Variants in AKT3 observed in about 807,000 individuals in gnomAD.
AKT3 encodes the protein AKT serine/threonine kinase 3, also known as RAC-gamma serine/threonine-protein kinase.
In AKT3, 15 loss-of-function variants were observed where a neutral mutation model predicts 65.3. The observed-to-expected ratio is 0.23, with a 90% CI of 0.15 to 0.35. The LOEUF is 0.35. Among genes scored for constraint, AKT3 ranks in the 10% least tolerant of loss-of-function variants. AKT3 has a pLI of 1.00. For missense variants in AKT3, 243 were observed against 576.5 expected, an observed-to-expected ratio of 0.42 and a Z score of 5.92; for synonymous variants, 206 against 183.8, an observed-to-expected ratio of 1.12 and a Z score of -0.98.
rs114749223 is a variant in AKT3, at chr1:243,802,277, A to G, written c.46+40848T>C. Among the ~76,000 whole-genome samples the G allele has an allele frequency of 2.4e-3, 362 of 152,316 alleles. 2 individuals are homozygous for G. The highest frequency in any genetic ancestry group is 8.5e-3 in the African/African-American group (352 of 41,564). On this transcript the variant is annotated intron_variant, in intron 2 of 13. Transcript: ENST00000673466. ...AAGGTAGAGTCAAATTCTGTTACAAAAAGTTCCATATGACCCCTCTACGCT... is the reference window on the plus strand; with the variant it reads ...AAGGTAGAGTCAAATTCTGTTACAAGAAGTTCCATATGACCCCTCTACGCT...
chr1:243,749,971 A>T (rs1688701181), intron 2 of AKT3, among the ~76,000 whole-genome samples: 1 of 152,172 alleles, frequency 6.6e-6, no homozygotes, highest in African/African-American at 2.4e-5. Context: ...TCTAAAGTGA[A>T]GTGATCTTTT....
At chr1:243,621,305 G>A (rs1407318769) in intron 6 of AKT3, among the ~76,000 whole-genome samples, 3 of 152,140 alleles carry the variant, frequency 2.0e-5, no homozygotes, top group East Asian at 1.9e-4. Context: ...AGCCATAAAC[G>A]TAACATTTAA....
At chr1:243,685,784 G>T (rs1470643660) in intron 3 of AKT3, among the ~76,000 whole-genome samples, 1 of 152,060 alleles carries the variant, frequency 6.6e-6, no homozygotes, top group African/African-American at 2.4e-5. Flanking sequence ...AGAAATAAAG[G>T]GGATTCAAAT....
chr1:243,696,963 T>A lies in AKT3; in HGVS notation c.47-1247A>T, dbSNP rs572805587. On this transcript the variant is annotated intron_variant, in intron 2 of 13. Coordinates refer to ENST00000673466, the MANE Select transcript of AKT3 (RefSeq NM_005465.7). The stretch of plus-strand genomic sequence containing the variant: ...ACCATAAAATGTAATCCAAATCTTT[T>A]ACTATAAAGGGCAATCTCACCCCAA... Among the ~76,000 whole-genome samples the A allele has an allele frequency of 3.8e-3, 574 of 152,140 alleles. 3 individuals carry two copies. The highest frequency in any genetic ancestry group is 6.6e-3 in the Non-Finnish European group (449 of 67,906).
chr1:243,539,428 A>C (rs1416890754), intron 12 of AKT3, among the ~76,000 whole-genome samples: 1 of 152,216 alleles, frequency 6.6e-6, no homozygotes, highest in Non-Finnish European at 1.5e-5. Flanking sequence ...CTGTTCATTA[A>C]GGCTTCGTCA....
rs1250658959 is a variant in AKT3, at chr1:243,501,538, G to A, written c.*3711C>T. 2.1e-5 allele frequency: 5 copies of A among 233,016 alleles called. No individual in the cohort carries two copies. The highest frequency in any genetic ancestry group is 1.1e-4 in the African/African-American group (5 of 45,282). The allele number at this position is 233,016 out of a possible 1,614,324, so 14.4% of individuals were successfully genotyped here. ...TCAGCGTTTCCCCTCAGAAGCAGCC[G>A]TTCATCAAAGTTTGCACAACCGCAC... is the stretch of plus-strand genomic sequence containing the variant. On this transcript the variant is annotated 3_prime_UTR_variant, in exon 14 of 14. Coordinates refer to ENST00000673466, the MANE Select transcript of AKT3 (RefSeq NM_005465.7).
intron 12 of AKT3, among the ~76,000 whole-genome samples, chr1:243,538,596 T>C (rs995577679): frequency 3.3e-5 from 5 of 152,078 alleles, no homozygotes; most frequent in Admixed American, 2.0e-4. Context: ...GGAAAAGATA[T>C]ATTACACAAA....
intron 10 of AKT3, 140 bp from the exon 11 acceptor site, chr1:243,553,083 G>A: frequency 1.7e-6 from 1 of 595,136 alleles, no homozygotes; most frequent in Non-Finnish European, 2.8e-6. Context: ...TTTAAACTGT[G>A]AAGCATCCTA....
At chr1:243,645,199 A>C (rs1680714327) in intron 5 of AKT3, among the ~76,000 whole-genome samples, 1 of 152,188 alleles carries the variant, frequency 6.6e-6, no homozygotes, top group South Asian at 2.1e-4. Flanking sequence ...ATTAATTTAC[A>C]ACCTATTAAA....
intron 12 of AKT3, among the ~76,000 whole-genome samples, chr1:243,522,688 G>C (rs1197143392): frequency 6.6e-6 from 1 of 151,902 alleles, no homozygotes; most frequent in Admixed American, 6.6e-5. Context: ...ATATAAACTG[G>C]AAAAAACTTG....
chr1:243,551,449 T>C (rs917528900), intron 11 of AKT3, among the ~76,000 whole-genome samples: 5 of 152,170 alleles, frequency 3.3e-5, no homozygotes, highest in African/African-American at 1.2e-4. Flanking sequence ...TGCTTATTTC[T>C]GCTGAAGATA....
intron 2 of AKT3, among the ~76,000 whole-genome samples, chr1:243,819,047 C>A (rs1355901020): frequency 6.6e-6 from 1 of 152,238 alleles, no homozygotes; most frequent in South Asian, 2.1e-4. Context: ...CCTCATGAGC[C>A]GATGCCACCA....
intron 2 of AKT3, among the ~76,000 whole-genome samples, chr1:243,750,469 C>A (rs1688742845): frequency 6.6e-6 from 1 of 151,918 alleles, no homozygotes; most frequent in African/African-American, 2.4e-5. Context: ...ACAAGGACAG[C>A]AAGCTCAATG....
At chr1:243,615,928 T>C (rs1678267481) in intron 6 of AKT3, among the ~76,000 whole-genome samples, 1 of 151,830 alleles carries the variant, frequency 6.6e-6, no homozygotes, top group Non-Finnish European at 1.5e-5. Flanking sequence ...TTTTTAGAGA[T>C]AGGGTCTTGC....
intron 2 of AKT3, among the ~76,000 whole-genome samples, chr1:243,738,926 T>C (rs1023416156): frequency 6.6e-6 from 1 of 152,218 alleles, no homozygotes; most frequent in African/African-American, 2.4e-5. Context: ...TCCGCTACCA[T>C]ACATTTTCTT....
chr1:243,615,511 G>A (rs1678233865), intron 6 of AKT3, among the ~76,000 whole-genome samples: 1 of 152,090 alleles, frequency 6.6e-6, no homozygotes, highest in Non-Finnish European at 1.5e-5. Flanking sequence ...ATTTCTGCAT[G>A]AGGTAATTTA....
chr1:243,661,675 C>G (rs1441307805), intron 4 of AKT3, among the ~76,000 whole-genome samples: 13 of 151,666 alleles, frequency 8.6e-5, no homozygotes, highest in African/African-American at 3.2e-4. Flanking sequence ...ACACAAAAAG[C>G]AATGGCAACA....
At chr1:243,646,606 T>C (rs534625938) in intron 4 of AKT3, among the ~76,000 whole-genome samples, 2 of 152,258 alleles carry the variant, frequency 1.3e-5, no homozygotes, top group South Asian at 4.1e-4. Flanking sequence ...CCATCCGCCA[T>C]GGCCTCCCAA....
chr1:243,848,688 G>A (rs1455930905), intron 1 of AKT3, among the ~76,000 whole-genome samples: 1 of 152,120 alleles, frequency 6.6e-6, no homozygotes, highest in Non-Finnish European at 1.5e-5. Flanking sequence ...CTAAACTGTT[G>A]AGACAACTGC....
Sources: allele counts gnomAD v4.1 joint callset (sites outside exome capture counted in the v4.1 genomes callset), GRCh38; gene constraint gnomAD v4.1.1; transcripts MANE v1.5; gene names NCBI Gene and HGNC (gene_info 2026-07-23, HGNC 2026-07-21).